PACS2: variants seen among roughly 807,000 people sequenced by gnomAD.
PACS2 encodes PACS1-like protein.
PACS2 carries 36 observed loss-of-function variants against 113.0 expected under a neutral mutation model. The observed-to-expected ratio is 0.32, with a 90% CI of 0.24 to 0.42. PACS2 has a LOEUF of 0.42. Ranked by LOEUF, PACS2 falls within the 10% of genes least tolerant of loss-of-function variation. The pLI, the probability that PACS2 is intolerant of heterozygous loss-of-function variation, is 1.00. For missense variants in PACS2, 1,015 were observed against 1,239.5 expected (o/e 0.82, Z 2.72); for synonymous variants, 589 against 536.1 (o/e 1.10, Z -1.36).
intron 1 of PACS2, among the ~76,000 whole-genome samples, chr14:105,303,894 C>G (rs2058101815): frequency 6.6e-6 from 1 of 152,194 alleles, no homozygotes; most frequent in Non-Finnish European, 1.5e-5. Context: ...ATGGAGGGAG[C>G]CCTTGAGGAT....
In PACS2 at chr14:105,396,558, T is replaced by A. The variant is rs1197339826; in HGVS notation, c.*1886T>A. 1.3e-5 allele frequency: 2 copies of A among 148,458 alleles called. No individual in the cohort carries two copies. Among genetic ancestry groups the A allele is most frequent in the African/African-American group, 2.5e-5 (1 of 39,384 alleles). 9.2% of individuals were successfully genotyped at this position (148,458 alleles called of 1,614,324 possible). A position where few individuals can be genotyped will look rare whatever the true frequency, so the allele number is the denominator to read the frequency against. On this transcript the variant is annotated 3_prime_UTR_variant, in exon 25 of 25. Transcript: ENST00000447393. The stretch of plus-strand genomic sequence containing the variant: ...CTCTGTTGCCCAGGCTGGAGTGCAG[T>A]GGCATGATCTCAGCTCACTGCAGCC...
chr14:105,327,347 G>A (rs879393931), intron 1 of PACS2, among the ~76,000 whole-genome samples: 3 of 152,332 alleles, frequency 2.0e-5, no homozygotes, highest in African/African-American at 7.2e-5. Context: ...TGCCTGCTGC[G>A]CTGACTGCCT....
intron 4 of PACS2, among the ~76,000 whole-genome samples, chr14:105,364,046 C>T (rs1555407301): frequency 1.3e-5 from 2 of 152,150 alleles, no homozygotes; most frequent in African/African-American, 4.8e-5. Flanking sequence ...TTGTGATAGT[C>T]ACACCGTAGC....
intron 1 of PACS2, among the ~76,000 whole-genome samples, chr14:105,334,857 G>T (rs2059450084): frequency 6.6e-6 from 1 of 152,270 alleles, no homozygotes; most frequent in Non-Finnish European, 1.5e-5. Context: ...AGCCCCTCTG[G>T]TCTGGCAGCC....
chr14:105,316,715 C>T (rs2058659703), intron 1 of PACS2, among the ~76,000 whole-genome samples: 1 of 146,308 alleles, frequency 6.8e-6, no homozygotes, highest in South Asian at 2.2e-4. Context: ...ATGGGTAGGG[C>T]GGGTTTCGAG....
Position 105,384,401 on chromosome 14 carries a change from A to G in PACS2, c.1829A>G (p.Asn610Ser). The change falls in exon 17 of 25, where the codon AAC becomes AGC. Residue 610 changes from asparagine to serine, a missense_variant. Around this residue, in one of 3 missense-constraint regions of PACS2, gnomAD observed 859 missense variants for 1,056.8 expected, o/e 0.81. Transcript: ENST00000447393. ...RYLGSVDYRYNNFFQDLAWRD... is the reference protein window; with the variant it reads ...RYLGSVDYRYSNFFQDLAWRD... ...CTAGGCTCCGTGGACTACCGCTACA[A>G]CAACTTCTTCCAGGACCTGGCCTGG... 1.2e-6 allele frequency: 2 copies of G among 1,612,622 alleles called. No homozygotes were observed. Among genetic ancestry groups the G allele is most frequent in the South Asian group, 1.1e-5 (1 of 91,072 alleles).
chr14:105,348,643 G>A lies in PACS2; in HGVS notation c.207+63G>A. 3 of 1,210,114 alleles carry A rather than the reference G, an allele frequency of 2.5e-6. No homozygotes were observed. In the South Asian group the frequency reaches 3.6e-5, roughly 15 times the overall value. 75.0% of individuals were successfully genotyped at this position (1,210,114 alleles called of 1,614,324 possible). On this transcript the variant is annotated intron_variant, in intron 2 of 24. Coordinates refer to ENST00000447393, the MANE Select transcript of PACS2 (RefSeq NM_001100913.3). This position sits in a 1 kb window ranked among gnomAD's most constrained non-coding sequence, Gnocchi z 6.4. ...GTGTAGGCTTTCCATGTGCCTGGGA[G>A]ACGAGTCAGGCGGTGCGCTACTGTG... is the stretch of plus-strand genomic sequence containing the variant.
rs2060348560 is a variant in PACS2 at position 105,354,378 on chromosome 14, A to G, written c.298-674A>G. 6.8e-6 allele frequency among the ~76,000 whole-genome samples: 1 copy of G among 147,338 alleles called. No individual in the cohort carries two copies. The highest frequency in any genetic ancestry group is 1.5e-5 in the Non-Finnish European group (1 of 68,012). ...TGGCCTCCCAAAGTGCCGGGATTAC[A>G]GGTGTGAGCCACCGCGCCTGGCCCA... On this transcript the variant is annotated intron_variant, in intron 3 of 24. Coordinates refer to ENST00000447393, the MANE Select transcript of PACS2 (RefSeq NM_001100913.3). The surrounding 1 kb of genome is among the most constrained non-coding windows in gnomAD (Gnocchi z 4.2).
chr14:105,317,946 G>A lies in PACS2; in HGVS notation c.119+2909G>A, dbSNP rs751463670. ...CTTTTGGCTCAGCACTGTTACACAC[G>A]GTGCTCCTAGGTGGTCCACGGGGTA... On this transcript the variant is annotated intron_variant, in intron 1 of 24. Transcript: ENST00000447393. This position sits in a 1 kb window ranked among gnomAD's most constrained non-coding sequence, Gnocchi z 4.2. 2.6e-5 allele frequency among the ~76,000 whole-genome samples: 4 copies of A among 152,084 alleles called. No homozygotes were observed. Among genetic ancestry groups the A allele is most frequent in the African/African-American group, 4.8e-5 (2 of 41,406 alleles).
At position 105,348,775 on chromosome 14, in the gene PACS2, A is replaced by C; in HGVS notation, c.207+195A>C. ...CAGTCCTGTCCCGCACAAGGGAGGC[A>C]GGCCCGGCCTTCTGGGATGTGGAGG... On this transcript the variant is annotated intron_variant, in intron 2 of 24. Coordinates refer to ENST00000447393, the MANE Select transcript of PACS2 (RefSeq NM_001100913.3). The surrounding 1 kb of genome is among the most constrained non-coding windows in gnomAD (Gnocchi z 6.4). The C allele has an allele frequency of 1.8e-6, 1 of 566,326 alleles. No individual in the cohort carries two copies. The highest frequency in any genetic ancestry group is 3.2e-6 in the Non-Finnish European group (1 of 315,614). 35.1% of individuals were successfully genotyped at this position (566,326 alleles called of 1,614,324 possible).
At chr14:105,350,091 T>A (rs1266518155) in intron 2 of PACS2, among the ~76,000 whole-genome samples, 2 of 146,172 alleles carry the variant, frequency 1.4e-5, no homozygotes, top group East Asian at 3.9e-4. Flanking sequence ...GATGGAAGCG[T>A]CTCTCCGCCT....
chr14:105,334,467 A>G (rs1002665439), intron 1 of PACS2, among the ~76,000 whole-genome samples: 13 of 149,604 alleles, frequency 8.7e-5, no homozygotes, highest in African/African-American at 2.7e-4. Context: ...GTGTGTGCGT[A>G]GAGTCCCACC....
chr14:105,350,181 G>A lies in PACS2; in HGVS notation c.207+1601G>A, dbSNP rs587680490. On this transcript the variant is annotated intron_variant, in intron 2 of 24. Transcript: ENST00000447393. ...GCTGCGGGTCGTCCCTGGGGAACAGGGAGCTCTCTGTGGGCCATTGCCACC... is the reference window on the plus strand; with the variant it reads ...GCTGCGGGTCGTCCCTGGGGAACAGAGAGCTCTCTGTGGGCCATTGCCACC... Among the ~76,000 whole-genome samples, 6 of 152,256 alleles carry A rather than the reference G, an allele frequency of 3.9e-5. No homozygotes were observed. In the South Asian group the frequency reaches 1.0e-3, roughly 26 times the overall value.
chr14:105,368,518 A>G lies in PACS2; in HGVS notation c.720A>G (p.Val240=), dbSNP rs2141151561. 2 of 1,613,896 alleles carry G rather than the reference A, an allele frequency of 1.2e-6. No individual in the cohort carries two copies. The highest frequency in any genetic ancestry group is 1.7e-6 in the Non-Finnish European group (2 of 1,179,838). The change falls in exon 7 of 25, where the codon GTA becomes GTG. Residue 240 remains valine (V), a synonymous_variant. Transcript: ENST00000447393. ...CGAAGAAGCAGCGGAGATCGATTGT[A>G]AGAACGACGTCCATGACCAGGGTTG... is the stretch of plus-strand genomic sequence containing the variant. ...GKPKKQRRSI[V]RTTSMTRQQN...
chr14:105,347,015 G>T (rs1424383364), intron 1 of PACS2, among the ~76,000 whole-genome samples: 1 of 69,020 alleles, frequency 1.4e-5, no homozygotes, highest in Non-Finnish European at 2.8e-5. Flanking sequence ...CCCTACCCCC[G>T]CCTGCACGGC....
At chr14:105,381,223 C>G (rs1278072059) in intron 12 of PACS2, 124 bp downstream of exon 12, 2 of 744,654 alleles carry the variant, frequency 2.7e-6, no homozygotes, top group Non-Finnish European at 4.2e-6. Flanking sequence ...GTGTAGACAG[C>G]AGATTCAGGG....
intron 3 of PACS2, among the ~76,000 whole-genome samples, chr14:105,353,002 C>T (rs1555404460): frequency 1.5e-5 from 2 of 134,066 alleles, no homozygotes; most frequent in African/African-American, 5.8e-5. Context: ...GACGGGCCCC[C>T]TCATCACTGT....
At chr14:105,360,510 T>C (rs1186483993) in intron 4 of PACS2, among the ~76,000 whole-genome samples, 6 of 150,250 alleles carry the variant, frequency 4.0e-5, no homozygotes, top group Admixed American at 2.0e-4. Flanking sequence ...GCCACTGCAT[T>C]CTAGCCTGGG....
chr14:105,337,534 C>T (rs2059573426), intron 1 of PACS2, among the ~76,000 whole-genome samples: 1 of 152,246 alleles, frequency 6.6e-6, no homozygotes, highest in African/African-American at 2.4e-5. Context: ...CAGAAAAAAA[C>T]AGTTAAGTCC....
Sources: allele counts gnomAD v4.1 joint callset (sites outside exome capture counted in the v4.1 genomes callset), GRCh38; gene constraint gnomAD v4.1.1; regional missense constraint gnomAD v4.1.1; non-coding constraint Gnocchi (gnomAD v3.1); transcripts MANE v1.5; gene names NCBI Gene and HGNC (gene_info 2026-07-23, HGNC 2026-07-21).